Variants in ATP1B4 observed in about 807,000 individuals in gnomAD.
ATP1B4 encodes the protein ATPase Na+/K+ transporting family member beta 4.
ATP1B4 carries 32 observed loss-of-function variants against 29.6 expected under a neutral mutation model. The observed-to-expected ratio is 1.08, with a 90% CI of 0.82 to 1.45. The LOEUF is 1.45. Among genes scored for constraint, ATP1B4 ranks in the 40% most tolerant of loss-of-function variants. The probability of loss-of-function intolerance (pLI) is 0.00; values close to 1 mark genes in which losing one functional copy is unlikely to be tolerated. For missense variants in ATP1B4, 323 were observed against 276.2 expected (o/e 1.17, Z -1.20); for synonymous variants, 127 against 102.1 (o/e 1.24, Z -1.47).
At position 120,362,151 on chromosome X, in the gene ATP1B4, T is replaced by C. The variant is rs1476824525; in HGVS notation, c.-18T>C. Reference sequence around the variant, plus strand: ...CCCGATTGCCTGCCTCTGCTGCGTCTTTGCCCACTGAACAGCCATGAGAAG... The same window carrying C: ...CCCGATTGCCTGCCTCTGCTGCGTCCTTGCCCACTGAACAGCCATGAGAAG... On this transcript the variant is annotated 5_prime_UTR_variant, in exon 1 of 8. Coordinates refer to ENST00000218008, the MANE Select transcript of ATP1B4 (RefSeq NM_001142447.3). 8.3e-7 allele frequency: 1 copy of C among 1,207,301 alleles called. No homozygotes were observed. The highest frequency in any genetic ancestry group is 1.8e-5 in the South Asian group (1 of 56,860).
chrX:120,378,560 TC>T, intron 6 of ATP1B4, 117 bp from the exon 7 acceptor site: 1 of 625,515 alleles, frequency 1.6e-6, no homozygotes, highest in African/African-American at 2.1e-5. Context: ...TTCATGGTCT[TC>T]CTGGAACAGT....
At position 120,370,840 on chromosome X, in the gene ATP1B4, C is replaced by T. The variant is rs1370662604; in HGVS notation, c.454C>T (p.Pro152Ser). ...IPTFTERVKP[P>S]GVMIRPFAHS... ...AACCTTCACGGAGCGGGTAAAGCCT[C>T]CTGGTGAGTGTGCCCAGATGCCCTG... Residue 152 changes from proline (P) to serine (S), a missense_variant, in exon 3 of 8, where the codon CCT becomes TCT. Coordinates refer to ENST00000218008, the MANE Select transcript of ATP1B4 (RefSeq NM_001142447.3). The T allele has an allele frequency of 8.3e-7, 1 of 1,207,604 alleles. No homozygotes were observed. Among genetic ancestry groups the T allele is most frequent in the Non-Finnish European group, 1.1e-6 (1 of 894,386 alleles).
rs759935710 is a variant in ATP1B4 at position 120,372,841 on chromosome X, G to A, written c.562+1631G>A. On this transcript the variant is annotated intron_variant, in intron 4 of 7. Coordinates refer to ENST00000218008, the MANE Select transcript of ATP1B4 (RefSeq NM_001142447.3). Reference sequence around the variant, plus strand: ...AGATTCCTTACCAGTGAAACGAGGGGAGACGGGACTGGGTTCTTTCTGAGT... The same window carrying A: ...AGATTCCTTACCAGTGAAACGAGGGAAGACGGGACTGGGTTCTTTCTGAGT... 4.5e-5 allele frequency among the ~76,000 whole-genome samples: 5 copies of A among 112,314 alleles called. No homozygotes were observed. The South Asian group carries it at 1.1e-3, about 25-fold the overall frequency.
intron 1 of ATP1B4, among the ~76,000 whole-genome samples, chrX:120,363,789 G>A (rs1380308838): frequency 8.9e-6 from 1 of 111,941 alleles, no homozygotes; most frequent in Non-Finnish European, 1.9e-5. Flanking sequence ...ATCACATGAG[G>A]GTAGTGCCAC....
At chrX:120,367,355 C>A (rs768367896) in intron 2 of ATP1B4, among the ~76,000 whole-genome samples, 1 of 112,292 alleles carries the variant, frequency 8.9e-6, no homozygotes, top group Admixed American at 9.4e-5. Flanking sequence ...AGCCAGGAGG[C>A]GTGTCCCTGG....
At chrX:120,374,707 T>TAC (rs200780071) in intron 4 of ATP1B4, among the ~76,000 whole-genome samples, 1,326 of 31,113 alleles carry the variant, frequency 0.043, 290 homozygotes, top group Non-Finnish European at 0.072. Context: ...TATATATATA[T>TAC]ACCCTTATAT....
At chrX:120,371,524 A>G (rs1183530991) in intron 4 of ATP1B4, among the ~76,000 whole-genome samples, 1 of 111,975 alleles carries the variant, frequency 8.9e-6, no homozygotes, top group Admixed American at 9.5e-5. Context: ...CTCAATAATG[A>G]TCATTTATAG....
chrX:120,373,560 C>A lies in ATP1B4; in HGVS notation c.563-1812C>A, dbSNP rs748890631. On this transcript the variant is annotated intron_variant, in intron 4 of 7. Coordinates refer to ENST00000218008, the MANE Select transcript of ATP1B4 (RefSeq NM_001142447.3). Reference sequence around the variant, plus strand: ...TAGGGACTGAGTCTAACAGGACTAACTGGGCTCCATCATTTAGAATCAAAT... The same window carrying A: ...TAGGGACTGAGTCTAACAGGACTAAATGGGCTCCATCATTTAGAATCAAAT... Among the ~76,000 whole-genome samples the A allele has an allele frequency of 8.0e-4, 90 of 112,109 alleles. 1 individual carries two copies. The highest frequency in any genetic ancestry group is 2.5e-3 in the African/African-American group (77 of 30,867).
intron 2 of ATP1B4, among the ~76,000 whole-genome samples, chrX:120,367,152 C>A (rs2058290264): frequency 8.9e-6 from 1 of 112,370 alleles, no homozygotes; most frequent in Non-Finnish European, 1.9e-5. Context: ...AGTTTCCTCA[C>A]ATGCCAAATG....
intron 2 of ATP1B4, among the ~76,000 whole-genome samples, chrX:120,369,762 A>G (rs930578672): frequency 8.9e-6 from 1 of 112,197 alleles, no homozygotes; most frequent in Admixed American, 9.4e-5. Context: ...ATAACTGATG[A>G]TGACTGCCAT....
chrX:120,379,445 T>G, intron 7 of ATP1B4, 28 bp from the exon 8 acceptor site: 1 of 1,187,173 alleles, frequency 8.4e-7, no homozygotes, highest in Non-Finnish European at 1.1e-6. Flanking sequence ...CTCCCCACAC[T>G]TAGAATTCAT....
In ATP1B4 at chrX:120,371,957, C is replaced by T. The variant is rs540724396; in HGVS notation, c.562+747C>T. Among the ~76,000 whole-genome samples, 60 of 112,545 alleles carry T rather than the reference C, an allele frequency of 5.3e-4. No individual in the cohort carries two copies. The South Asian group carries it at 0.019, about 35-fold the overall frequency. ...TGCTGGGATGACAGGCATGAGCCAC[C>T]GCGCCCAGCCAAGTGTCATTATTTA... On this transcript the variant is annotated intron_variant, in intron 4 of 7. Coordinates refer to ENST00000218008, the MANE Select transcript of ATP1B4 (RefSeq NM_001142447.3).
intron 4 of ATP1B4, among the ~76,000 whole-genome samples, chrX:120,374,210 T>A (rs962657091): frequency 4.5e-5 from 5 of 110,062 alleles, no homozygotes; most frequent in Non-Finnish European, 7.6e-5. Context: ...GTACATTGGG[T>A]CTGCAGTGCC....
intron 4 of ATP1B4, among the ~76,000 whole-genome samples, chrX:120,374,006 C>T (rs913676228): frequency 5.4e-5 from 6 of 110,736 alleles, no homozygotes; most frequent in Non-Finnish European, 9.4e-5. Context: ...CTCTCACTGA[C>T]TTCAAAGGGA....
chrX:120,367,009 T>G (rs1208811697), intron 2 of ATP1B4, among the ~76,000 whole-genome samples: 2 of 112,425 alleles, frequency 1.8e-5, no homozygotes, highest in African/African-American at 3.2e-5. Flanking sequence ...CAAAACCCAC[T>G]GGGCTCAACA....
intron 3 of ATP1B4, 74 bp from the exon 4 acceptor site, chrX:120,371,032 G>C: frequency 9.4e-7 from 1 of 1,061,741 alleles, no homozygotes; most frequent in Non-Finnish European, 1.3e-6. Context: ...GGGGGAAATG[G>C]TTTCATGGGA....
At chrX:120,373,717 T>A (rs1195365569) in intron 4 of ATP1B4, among the ~76,000 whole-genome samples, 1 of 112,203 alleles carries the variant, frequency 8.9e-6, no homozygotes, top group Non-Finnish European at 1.9e-5. Context: ...TTACATTCCA[T>A]CCAATGTAAA....
chrX:120,365,191 A>G (rs374871265), intron 1 of ATP1B4, among the ~76,000 whole-genome samples: 2 of 112,186 alleles, frequency 1.8e-5, no homozygotes, highest in East Asian at 5.6e-4. Context: ...ATCCTGTCCC[A>G]TCTCTGGGCC....
Position 120,371,268 on chromosome X carries a change from C to T in ATP1B4, c.562+58C>T, listed in dbSNP as rs2058312098. 3 of 916,132 alleles carry T rather than the reference C, an allele frequency of 3.3e-6. No homozygotes were observed. The South Asian group carries it at 6.1e-5, about 19-fold the overall frequency. 75.5% of individuals were successfully genotyped at this position (916,132 alleles called of 1,213,427 possible). ...TTTTGAAAGGTGATGGGTGGGAATC[C>T]AAAATTCAAAATTCACCTGGCCCAG... On this transcript the variant is annotated intron_variant, in intron 4 of 7. Coordinates refer to ENST00000218008, the MANE Select transcript of ATP1B4 (RefSeq NM_001142447.3).
Sources: gnomAD v4.1 joint callset for allele counts (sites outside exome capture counted in the v4.1 genomes callset) on GRCh38, gnomAD v4.1.1 for gene constraint, MANE v1.5 for transcripts, NCBI Gene and HGNC (gene_info 2026-07-23, HGNC 2026-07-21) for gene names.